BRINP3: variants seen among roughly 807,000 people sequenced by gnomAD.
BRINP3 encodes BMP/retinoic acid-inducible neural-specific protein 3.
BRINP3 carries 19 observed loss-of-function variants against 71.0 expected under a neutral mutation model. The ratio of observed to expected loss-of-function variants is 0.27; its 90% CI spans 0.19 to 0.39. BRINP3 has a LOEUF of 0.39. Ranked by LOEUF, BRINP3 falls within the 10% of genes least tolerant of loss-of-function variation. The pLI is 1.00. For synonymous variants in BRINP3, 380 were observed against 337.7 expected (o/e 1.13, Z -1.37); for missense variants, 959 against 940.8 (o/e 1.02, Z -0.25).
chr1:190,136,625 A>G (rs1654998865), intron 7 of BRINP3, among the ~76,000 whole-genome samples: 1 of 152,146 alleles, frequency 6.6e-6, no homozygotes, highest in African/African-American at 2.4e-5. Context: ...TGAGCTTACA[A>G]TTTTAACATA....
intron 7 of BRINP3, among the ~76,000 whole-genome samples, chr1:190,140,518 T>C (rs1209223978): frequency 6.6e-6 from 1 of 152,152 alleles, no homozygotes; most frequent in African/African-American, 2.4e-5. Flanking sequence ...TAATTATTAA[T>C]CTTATGGCAA....
At chr1:190,230,656 T>C (rs949385608) in intron 5 of BRINP3, among the ~76,000 whole-genome samples, 3 of 151,870 alleles carry the variant, frequency 2.0e-5, no homozygotes, top group Non-Finnish European at 4.4e-5. Flanking sequence ...AGTATATATG[T>C]ATGTATAGTG....
chr1:190,099,532 A>G (rs72729114), intron 7 of BRINP3, among the ~76,000 whole-genome samples: 4,857 of 152,332 alleles, frequency 0.032, 131 homozygotes, highest in Non-Finnish European at 0.043. Flanking sequence ...TGATTTTATC[A>G]TAAAATATCT....
At chr1:190,377,842 T>TG (rs1670280906) in intron 2 of BRINP3, among the ~76,000 whole-genome samples, 1 of 151,956 alleles carries the variant, frequency 6.6e-6, no homozygotes, top group African/African-American at 2.4e-5. Context: ...CACTGAAAAG[T>TG]ACAAAATATT....
At chr1:190,460,343 AT>A (rs1430301380) in intron 1 of BRINP3, among the ~76,000 whole-genome samples, 3 of 151,394 alleles carry the variant, frequency 2.0e-5, no homozygotes, top group Admixed American at 6.6e-5. Flanking sequence ...TATAATAATT[AT>A]TTTTTGATTA....
intron 2 of BRINP3, among the ~76,000 whole-genome samples, chr1:190,320,958 T>C (rs964793941): frequency 2.0e-5 from 3 of 151,966 alleles, no homozygotes; most frequent in Non-Finnish European, 4.4e-5. Flanking sequence ...ATATGTTATA[T>C]ATATATACAC....
At chr1:190,306,821 G>A (rs2103013804) in intron 2 of BRINP3, among the ~76,000 whole-genome samples, 2 of 151,998 alleles carry the variant, frequency 1.3e-5, no homozygotes, top group South Asian at 4.2e-4. Flanking sequence ...AAGGTAGATG[G>A]AGTAATTCTT....
intron 7 of BRINP3, among the ~76,000 whole-genome samples, chr1:190,149,514 C>T (rs1261167563): frequency 6.6e-6 from 1 of 151,944 alleles, no homozygotes; most frequent in Non-Finnish European, 1.5e-5. Context: ...AGATCATAAT[C>T]AGGTATTGCT....
chr1:190,109,258 A>G (rs1331694837), intron 7 of BRINP3, among the ~76,000 whole-genome samples: 2 of 152,168 alleles, frequency 1.3e-5, no homozygotes, highest in African/African-American at 4.8e-5. Flanking sequence ...TTTTTCATAT[A>G]TTTACATATG....
At chr1:190,237,950 T>C (rs1571460076) in intron 4 of BRINP3, among the ~76,000 whole-genome samples, 1 of 152,140 alleles carries the variant, frequency 6.6e-6, no homozygotes, top group South Asian at 2.1e-4. Flanking sequence ...AAAATGAATG[T>C]TAATATTTAA....
At chr1:190,206,640 G>A (rs1655526561) in intron 6 of BRINP3, among the ~76,000 whole-genome samples, 1 of 152,030 alleles carries the variant, frequency 6.6e-6, no homozygotes, top group Admixed American at 6.6e-5. Flanking sequence ...ATTGTGCTCA[G>A]AATAAAGGAT....
At chr1:190,099,564 C>T (rs1377062130) in intron 7 of BRINP3, among the ~76,000 whole-genome samples, 1 of 152,116 alleles carries the variant, frequency 6.6e-6, no homozygotes, top group African/African-American at 2.4e-5. Flanking sequence ...AGAGCATATA[C>T]ATGGTGATTG....
At chr1:190,404,895 G>A (rs1672161810) in intron 2 of BRINP3, among the ~76,000 whole-genome samples, 3 of 152,018 alleles carry the variant, frequency 2.0e-5, no homozygotes, top group Admixed American at 1.3e-4. Flanking sequence ...TTTGTCAACT[G>A]GCTTTAATTT....
chr1:190,406,545 T>C (rs753460643), intron 2 of BRINP3, among the ~76,000 whole-genome samples: 44 of 152,174 alleles, frequency 2.9e-4, no homozygotes, highest in Admixed American at 5.9e-4. Context: ...TCTTAAGAAC[T>C]TGATACAGCT....
intron 2 of BRINP3, among the ~76,000 whole-genome samples, chr1:190,356,916 A>C (rs1045313252): frequency 2.0e-5 from 3 of 151,146 alleles, no homozygotes; most frequent in Non-Finnish European, 4.4e-5. Flanking sequence ...GGCAAGATTC[A>C]CTCAAGAAGT....
At chr1:190,154,648 T>C (rs1157141531) in intron 7 of BRINP3, among the ~76,000 whole-genome samples, 2 of 152,140 alleles carry the variant, frequency 1.3e-5, no homozygotes, top group Non-Finnish European at 2.9e-5. Context: ...TCAAGAATGT[T>C]CATTTTGAAG....
At chr1:190,443,968 C>T (rs1217779382) in intron 2 of BRINP3, among the ~76,000 whole-genome samples, 1 of 152,114 alleles carries the variant, frequency 6.6e-6, no homozygotes, top group Non-Finnish European at 1.5e-5. Context: ...CAAGGTGGCT[C>T]CCGTCTATAA....
intron 2 of BRINP3, among the ~76,000 whole-genome samples, chr1:190,431,500 G>A (rs1314050142): frequency 6.6e-6 from 1 of 152,054 alleles, no homozygotes; most frequent in African/African-American, 2.4e-5. Context: ...GGGATTACAG[G>A]TGTGCACTTC....
intron 2 of BRINP3, among the ~76,000 whole-genome samples, chr1:190,315,002 T>A (rs1034772252): frequency 6.6e-6 from 1 of 152,060 alleles, no homozygotes; most frequent in Non-Finnish European, 1.5e-5. Context: ...ATAAGTGACA[T>A]AAGGTATGTG....
Sources: allele counts gnomAD v4.1 joint callset (sites outside exome capture counted in the v4.1 genomes callset), GRCh38; gene constraint gnomAD v4.1.1; transcripts MANE v1.5; gene names NCBI Gene and HGNC (gene_info 2026-07-23, HGNC 2026-07-21).